Variants in CFAP95 observed in about 807,000 individuals in gnomAD.
CFAP95 encodes cilia and flagella associated protein 95.
chr9:69,846,245 G>A, the CFAP95 span, among the ~76,000 whole-genome samples: 6 of 152,036 alleles, frequency 3.9e-5, no homozygotes, highest in East Asian at 1.9e-4. Flanking sequence ...GAGATGAAGC[G>A]GGATATGAGG....
chr9:69,886,629 G>A, the CFAP95 span, among the ~76,000 whole-genome samples: 1 of 152,104 alleles, frequency 6.6e-6, no homozygotes, highest in African/African-American at 2.4e-5. Context: ...CTAAGGATAA[G>A]GGAGACTGCT....
At chr9:69,896,129 C>T in the CFAP95 span, among the ~76,000 whole-genome samples, 32 of 152,236 alleles carry the variant, frequency 2.1e-4, 1 homozygote, top group South Asian at 6.6e-3. Context: ...GAAGCCTAGG[C>T]CTCAAATTGA....
chr9:69,902,377 G>T, the CFAP95 span: 37,342 of 451,754 alleles, frequency 0.083, 1,762 homozygotes, highest in African/African-American at 0.14. Flanking sequence ...ACATTCTAAA[G>T]TCCTCAAAAC....
chr9:69,895,369 C>CTGTG, the CFAP95 span, among the ~76,000 whole-genome samples: 27 of 107,920 alleles, frequency 2.5e-4, no homozygotes, highest in African/African-American at 9.7e-4. Context: ...CTCTCTCTCT[C>CTGTG]TGTGTGTGTG....
At chr9:69,825,027 T>A in the CFAP95 span, among the ~76,000 whole-genome samples, 30 of 152,330 alleles carry the variant, frequency 2.0e-4, 1 homozygote, top group African/African-American at 7.0e-4. Context: ...AAAATTCAGG[T>A]TGTGTAAAAT....
At chr9:69,863,954 G>A in the CFAP95 span, among the ~76,000 whole-genome samples, 5 of 152,204 alleles carry the variant, frequency 3.3e-5, no homozygotes, top group South Asian at 6.2e-4. Context: ...CACAGGAGAA[G>A]TCAGGTTTTT....
At chr9:69,874,857 T>C in the CFAP95 span, among the ~76,000 whole-genome samples, 1 of 152,200 alleles carries the variant, frequency 6.6e-6, no homozygotes, top group Admixed American at 6.5e-5. Context: ...TGGTTCCAGA[T>C]AATGACTTAA....
the CFAP95 span, among the ~76,000 whole-genome samples, chr9:69,834,243 G>T: frequency 6.6e-6 from 1 of 152,142 alleles, no homozygotes; most frequent in Non-Finnish European, 1.5e-5. Flanking sequence ...ACCACCCAGT[G>T]TCTTCAGCCA....
the CFAP95 span, among the ~76,000 whole-genome samples, chr9:69,882,190 C>T: frequency 1.3e-5 from 2 of 152,072 alleles, no homozygotes; most frequent in African/African-American, 2.4e-5. Flanking sequence ...CCATGTTGCC[C>T]AGGCTGGTCT....
At chr9:69,876,556 T>A in the CFAP95 span, among the ~76,000 whole-genome samples, 54 of 152,270 alleles carry the variant, frequency 3.5e-4, no homozygotes, top group Non-Finnish European at 6.9e-4. Context: ...AAAAGAGTTT[T>A]AAAAAATTAA....
At chr9:69,895,359 C>G in the CFAP95 span, among the ~76,000 whole-genome samples, 5 of 97,356 alleles carry the variant, frequency 5.1e-5, no homozygotes, top group African/African-American at 1.5e-4. Flanking sequence ...CTCTCTCTCT[C>G]TCTCTCTCTC....
At chr9:69,868,236 G>A in the CFAP95 span, among the ~76,000 whole-genome samples, 4 of 151,292 alleles carry the variant, frequency 2.6e-5, no homozygotes, top group African/African-American at 9.7e-5. Context: ...ATAAAACATA[G>A]AGGAAAACCT....
the CFAP95 span, among the ~76,000 whole-genome samples, chr9:69,899,185 A>G: frequency 2.0e-5 from 3 of 152,254 alleles, no homozygotes; most frequent in Non-Finnish European, 4.4e-5. Flanking sequence ...GTAGCACCGA[A>G]TAGTGACCTA....
chr9:69,883,558 C>G, the CFAP95 span, among the ~76,000 whole-genome samples: 1 of 152,106 alleles, frequency 6.6e-6, no homozygotes. Context: ...GGCGACGCTC[C>G]TGCTCTGTCA....
At chr9:69,844,714 A>C in the CFAP95 span, 1 of 887,502 alleles carries the variant, frequency 1.1e-6, no homozygotes, top group South Asian at 1.7e-5. Context: ...TTTGTGCAGC[A>C]CCATCCCTCG....
At chr9:69,886,339 A>G in the CFAP95 span, among the ~76,000 whole-genome samples, 1 of 152,202 alleles carries the variant, frequency 6.6e-6, no homozygotes, top group Admixed American at 6.5e-5. Context: ...AAGGAGAGAA[A>G]AAAAAATCGT....
At chr9:69,833,691 A>G in the CFAP95 span, among the ~76,000 whole-genome samples, 2 of 152,048 alleles carry the variant, frequency 1.3e-5, no homozygotes. Context: ...TAGCCCTTGT[A>G]CATGTTATAA....
chr9:69,844,369 G>A, the CFAP95 span: 79 of 501,222 alleles, frequency 1.6e-4, no homozygotes, highest in African/African-American at 1.5e-3. Flanking sequence ...GAAAAGAGAT[G>A]GAAAATACTT....
At chr9:69,855,672 C>CAG in the CFAP95 span, among the ~76,000 whole-genome samples, 1 of 152,072 alleles carries the variant, frequency 6.6e-6, no homozygotes, top group African/African-American at 2.4e-5. Flanking sequence ...AAACCAGCAC[C>CAG]AGAGACTTAA....
Sources: gnomAD v4.1 joint callset for allele counts (sites outside exome capture counted in the v4.1 genomes callset) on GRCh38, gnomAD v4.1.1 for gene constraint, MANE v1.5 for transcripts, NCBI Gene and HGNC (gene_info 2026-07-23, HGNC 2026-07-21) for gene names.